Variants in DLC1 observed in about 807,000 individuals in gnomAD.
DLC1 encodes the protein DLC1 Rho GTPase activating protein, also known as rho GTPase-activating protein 7.
In DLC1, 54 loss-of-function variants were observed where a neutral mutation model predicts 140.3. That is an observed-to-expected ratio of 0.38 (90% CI 0.31 to 0.48). The LOEUF (loss-of-function observed/expected upper bound fraction) is 0.48, where lower values mean the gene tolerates loss of function less well. Among genes scored for constraint, DLC1 ranks in the 20% least tolerant of loss-of-function variants. DLC1 has a pLI of 0.96. For missense variants in DLC1, 2,536 were observed against 1,907.0 expected (o/e 1.33, Z -6.14); for synonymous variants, 986 against 728.1 (o/e 1.35, Z -5.70).
chr8:13,327,239 C>T (rs1057179868), intron 4 of DLC1, among the ~76,000 whole-genome samples: 3 of 147,680 alleles, frequency 2.0e-5, no homozygotes, highest in Admixed American at 1.4e-4. Flanking sequence ...TCCCAAAGTG[C>T]TGGGATTACA....
In DLC1 at chr8:13,499,399, A is replaced by G. The variant is rs1175821373; in HGVS notation, c.673T>C (p.Leu225=). 1.2e-6 allele frequency: 2 copies of G among 1,613,640 alleles called. No individual in the cohort carries two copies. The highest frequency in any genetic ancestry group is 1.3e-5 in the African/African-American group (1 of 74,810). Residue 225 remains leucine, a synonymous_variant, in exon 2 of 18, where the codon TTG becomes CTG. Coordinates refer to ENST00000276297, the MANE Select transcript of DLC1 (RefSeq NM_182643.3). ...TGAGCAATTACAGCAGAGTTAAGCA[A>G]TTGTTTCTCAGGTGCAATATCTTTC... The part of the protein sequence containing the change: ...NVKDIAPEKQ[L]LNSAVIAQQR...
At chr8:13,416,374 G>C (rs190450225) in intron 2 of DLC1, among the ~76,000 whole-genome samples, 11 of 152,198 alleles carry the variant, frequency 7.2e-5, no homozygotes, top group African/African-American at 2.4e-4. Context: ...CATGTGATGT[G>C]ATTTGATATA....
chr8:13,493,549 G>T (rs1263371817), intron 2 of DLC1, among the ~76,000 whole-genome samples: 1 of 152,110 alleles, frequency 6.6e-6, no homozygotes, highest in Admixed American at 6.6e-5. Flanking sequence ...TCATGTCTGA[G>T]AACATATGTG....
upstream of DLC1, among the ~76,000 whole-genome samples, chr8:13,518,969 A>G (rs1271925854): frequency 1.3e-5 from 2 of 152,034 alleles, no homozygotes; most frequent in African/African-American, 2.4e-5. Flanking sequence ...TTTTAAAAAT[A>G]TATTATCAAG....
rs747154020 is a variant in DLC1, at chr8:13,090,380, C to G, written c.3946G>C (p.Asp1316His). The change falls in exon 15 of 18, where the codon GAT becomes CAT. Residue 1316 changes from aspartate to histidine, a missense_variant. By Grantham distance (81) the Asp-to-His change is moderately conservative. Coordinates refer to ENST00000276297, the MANE Select transcript of DLC1 (RefSeq NM_182643.3). ...AAGTGTTGGTAGTCAGCTGAGTCAT[C>G]ATTACCCAGGTGCCCGAGTGCTTCC... ...TLEALGHLGNDDSADYQHFLQ... is the reference protein window; with the variant it reads ...TLEALGHLGNHDSADYQHFLQ... 6.8e-6 allele frequency: 11 copies of G among 1,614,080 alleles called. No individual in the cohort carries two copies. The highest frequency in any genetic ancestry group is 5.0e-5 in the Admixed American group (3 of 60,002).
chr8:13,248,593 AC>A (rs35505760), intron 5 of DLC1, among the ~76,000 whole-genome samples: 1 of 151,942 alleles, frequency 6.6e-6, no homozygotes, highest in Non-Finnish European at 1.5e-5. Flanking sequence ...CTCTGCGGAC[AC>A]CCCCCACATG....
At chr8:13,553,551 T>C (rs1427436199) in intron 1 of DLC1, among the ~76,000 whole-genome samples, 1 of 151,968 alleles carries the variant, frequency 6.6e-6, no homozygotes, top group Non-Finnish European at 1.5e-5. Context: ...AGAGTCTCAC[T>C]ATGTTGCTCA....
At chr8:13,294,747 A>G (rs1307211477) in intron 5 of DLC1, among the ~76,000 whole-genome samples, 1 of 152,164 alleles carries the variant, frequency 6.6e-6, no homozygotes, top group African/African-American at 2.4e-5. Context: ...TACATATAGC[A>G]TAGCGGCTAA....
At chr8:13,546,789 C>A (rs942274616) in intron 1 of DLC1, among the ~76,000 whole-genome samples, 1 of 152,058 alleles carries the variant, frequency 6.6e-6, no homozygotes, top group Non-Finnish European at 1.5e-5. Context: ...ATTTAGACTT[C>A]TTTCTATTTT....
intron 4 of DLC1, among the ~76,000 whole-genome samples, chr8:13,368,954 G>C (rs530809454): frequency 1.3e-4 from 20 of 152,234 alleles, no homozygotes; most frequent in Admixed American, 1.2e-3. Context: ...CTCCCAAGTA[G>C]CTGAGATTAC....
At chr8:13,322,502 C>T (rs1204458647) in intron 4 of DLC1, among the ~76,000 whole-genome samples, 1 of 144,200 alleles carries the variant, frequency 6.9e-6, no homozygotes, top group African/African-American at 2.6e-5. Context: ...TAACATAATT[C>T]AACTCAGCTG....
intron 5 of DLC1, among the ~76,000 whole-genome samples, chr8:13,137,779 G>C (rs1393045608): frequency 6.6e-6 from 1 of 151,586 alleles, no homozygotes; most frequent in Non-Finnish European, 1.5e-5. Flanking sequence ...TATATTTTTA[G>C]AAGCAATGGG....
At chr8:13,276,148 T>C (rs1831154347) in intron 5 of DLC1, 2 of 1,399,370 alleles carry the variant, frequency 1.4e-6, no homozygotes, top group South Asian at 2.9e-5. Context: ...GAATGAAACT[T>C]CAACCAGCTG....
intron 2 of DLC1, among the ~76,000 whole-genome samples, chr8:13,459,859 C>T (rs1054146534): frequency 2.0e-5 from 3 of 152,154 alleles, no homozygotes; most frequent in Non-Finnish European, 4.4e-5. Context: ...GGTTTCTGTG[C>T]ACAACTCTTT....
chr8:13,583,038 G>A (rs750888095), intron 1 of DLC1, among the ~76,000 whole-genome samples: 7 of 151,622 alleles, frequency 4.6e-5, no homozygotes, highest in Non-Finnish European at 7.4e-5. Flanking sequence ...CCGGTGGAGG[G>A]TCCTGCCTTG....
chr8:13,568,314 A>G (rs28399926), intron 1 of DLC1: 1,973 of 188,252 alleles, frequency 0.01, 41 homozygotes, highest in African/African-American at 0.044. Context: ...GTGCGCCCGG[A>G]TGAATGATCA....
intron 5 of DLC1, among the ~76,000 whole-genome samples, chr8:13,303,986 C>T (rs139804794): frequency 1.6e-3 from 243 of 152,232 alleles, no homozygotes; most frequent in African/African-American, 5.6e-3. Flanking sequence ...GCCAACAACT[C>T]ACATCCTCAT....
intron 5 of DLC1, chr8:13,304,803 C>A (rs1832349393): frequency 1.0e-6 from 1 of 963,828 alleles, no homozygotes. Flanking sequence ...CAGAAAAATA[C>A]TATAATTTTT....
chr8:13,442,063 A>G (rs1372000579), intron 2 of DLC1, among the ~76,000 whole-genome samples: 1 of 152,218 alleles, frequency 6.6e-6, no homozygotes, highest in African/African-American at 2.4e-5. Context: ...ATCTACAACT[A>G]TCTGATCTTT....
Sources: allele counts gnomAD v4.1 joint callset (sites outside exome capture counted in the v4.1 genomes callset), GRCh38; gene constraint gnomAD v4.1.1; transcripts MANE v1.5; gene names NCBI Gene and HGNC (gene_info 2026-07-23, HGNC 2026-07-21).